The following TMOD3 variants were observed in gnomAD, a reference collection of about 807,000 sequenced individuals.
The protein encoded by TMOD3 is tropomodulin-3.
A neutral mutation model predicts 39.2 loss-of-function variants in TMOD3; 20 were observed. The ratio of observed to expected loss-of-function variants is 0.51; its 90% CI spans 0.36 to 0.74. The LOEUF is 0.74. TMOD3 is among the 30% of genes least tolerant of loss of function. The pLI is 0.00. For missense variants in TMOD3, 381 were observed against 412.8 expected (o/e 0.92, Z 0.67); for synonymous variants, 143 against 145.8 (o/e 0.98, Z 0.14).
At chr15:51,863,866 A>G (rs972103905) in intron 2 of TMOD3, among the ~76,000 whole-genome samples, 3 of 152,210 alleles carry the variant, frequency 2.0e-5, no homozygotes, top group African/African-American at 7.2e-5. Flanking sequence ...TTCCCAGTAC[A>G]TCTGATTGGA....
chr15:51,839,884 A>G (rs188821983), intron 1 of TMOD3, among the ~76,000 whole-genome samples: 1 of 152,208 alleles, frequency 6.6e-6, no homozygotes, highest in African/African-American at 2.4e-5. Context: ...ATAATCAAAG[A>G]GTGACAATAC....
At chr15:51,838,895 A>G (rs2056299497) in intron 1 of TMOD3, among the ~76,000 whole-genome samples, 1 of 152,166 alleles carries the variant, frequency 6.6e-6, no homozygotes, top group African/African-American at 2.4e-5. Flanking sequence ...TTTCTGGAGA[A>G]GAATTGAATT....
chr15:51,845,272 G>T (rs1567261664), intron 1 of TMOD3, among the ~76,000 whole-genome samples: 1 of 152,162 alleles, frequency 6.6e-6, no homozygotes, highest in Non-Finnish European at 1.5e-5. Flanking sequence ...TGAAAAAAAG[G>T]CTGTTTGATT....
chr15:51,834,540 C>T (rs576141486), intron 1 of TMOD3, among the ~76,000 whole-genome samples: 1 of 152,240 alleles, frequency 6.6e-6, no homozygotes, highest in African/African-American at 2.4e-5. Context: ...AGAAAAACTT[C>T]CCTTTCTCGG....
At chr15:51,888,824 T>C (rs1436234834) in intron 4 of TMOD3, among the ~76,000 whole-genome samples, 1 of 152,202 alleles carries the variant, frequency 6.6e-6, no homozygotes, top group Non-Finnish European at 1.5e-5. Context: ...CCTCCAACTC[T>C]GAATTTGGAA....
chr15:51,909,476 T>C lies in TMOD3; in HGVS notation c.*666T>C, dbSNP rs769186922. Reference sequence around the variant, plus strand: ...ATCAGCTTTGCCAGGTTACATACTTTATTTAAAAGTATAGTGAGGTCGAAG... The same window carrying C: ...ATCAGCTTTGCCAGGTTACATACTTCATTTAAAAGTATAGTGAGGTCGAAG... On this transcript the variant is annotated 3_prime_UTR_variant, in exon 10 of 10. Transcript: ENST00000308580. 2.0e-5 allele frequency: 3 copies of C among 152,632 alleles called. No homozygotes were observed. The highest frequency in any genetic ancestry group is 2.9e-5 in the Non-Finnish European group (2 of 68,014). 9.5% of individuals were successfully genotyped at this position (152,632 alleles called of 1,614,324 possible).
At chr15:51,881,955 C>G (rs538256187) in intron 3 of TMOD3, among the ~76,000 whole-genome samples, 7 of 151,286 alleles carry the variant, frequency 4.6e-5, no homozygotes, top group African/African-American at 1.7e-4. Context: ...AGTACAGTGG[C>G]GCAATCTCAG....
At chr15:51,903,312 G>A (rs1055985034) in intron 9 of TMOD3, among the ~76,000 whole-genome samples, 1 of 152,228 alleles carries the variant, frequency 6.6e-6, no homozygotes, top group Non-Finnish European at 1.5e-5. Context: ...GTTTCCAAAA[G>A]TTGACTCTTT....
At chr15:51,841,177 C>T (rs1261253511) in intron 1 of TMOD3, among the ~76,000 whole-genome samples, 1 of 152,160 alleles carries the variant, frequency 6.6e-6, no homozygotes, top group African/African-American at 2.4e-5. Flanking sequence ...TGGCATATAA[C>T]AGGTATACAA....
At position 51,887,670 on chromosome 15, in the gene TMOD3, C is replaced by T. The variant is rs1323596130; in HGVS notation, c.365C>T (p.Ala122Val). ...TCTCTTGATCCAGAATTAGAAGAAG[C>T]TTTGACAAGTGCTTCTGATACAGAA... ...KVSLDPELEE[A>V]LTSASDTELC... Residue 122 changes from alanine (A) to valine (V), a missense_variant, in exon 4 of 10, where the codon GCT becomes GTT. Coordinates refer to ENST00000308580, the MANE Select transcript of TMOD3 (RefSeq NM_014547.5). 1.2e-6 allele frequency: 2 copies of T among 1,613,936 alleles called. No homozygotes were observed. Among genetic ancestry groups the T allele is most frequent in the South Asian group, 1.1e-5 (1 of 91,048 alleles).
chr15:51,867,861 A>T (rs2056454796), intron 2 of TMOD3, among the ~76,000 whole-genome samples: 1 of 152,218 alleles, frequency 6.6e-6, no homozygotes, highest in Admixed American at 6.5e-5. Flanking sequence ...TACTGGGCTT[A>T]GTGAAAATTA....
intron 1 of TMOD3, among the ~76,000 whole-genome samples, chr15:51,851,491 AC>A (rs1314396693): frequency 6.6e-6 from 1 of 152,164 alleles, no homozygotes; most frequent in Non-Finnish European, 1.5e-5. Context: ...TTATTTAGTA[AC>A]TTTTGATTGG....
chr15:51,889,223 T>G, intron 5 of TMOD3, 78 bp downstream of exon 5: 1 of 901,146 alleles, frequency 1.1e-6, no homozygotes, highest in Non-Finnish European at 1.8e-6. Context: ...AGCTTAAGTG[T>G]TCACATACTA....
chr15:51,892,065 C>G (rs985442681), intron 5 of TMOD3, among the ~76,000 whole-genome samples: 1 of 125,046 alleles, frequency 8.0e-6, no homozygotes, highest in African/African-American at 3.0e-5. Context: ...TTGATCTTCT[C>G]AAGATGCTGT....
intron 9 of TMOD3, among the ~76,000 whole-genome samples, chr15:51,905,592 C>CATT (rs1283600576): frequency 6.6e-6 from 1 of 151,986 alleles, no homozygotes; most frequent in African/African-American, 2.4e-5. Context: ...ATGCAGAAGG[C>CATT]ATTAGAGAGC....
At chr15:51,897,560 C>T (rs1225054019) in intron 7 of TMOD3, among the ~76,000 whole-genome samples, 1 of 147,976 alleles carries the variant, frequency 6.8e-6, no homozygotes, top group African/African-American at 2.5e-5. Flanking sequence ...TCTCGGCTCA[C>T]TGCAACCTCC....
At chr15:51,833,159 G>A (rs994634109) in intron 1 of TMOD3, 1 of 152,122 alleles carries the variant, frequency 6.6e-6, no homozygotes, top group Non-Finnish European at 1.5e-5. Flanking sequence ...ATTTAATTTG[G>A]TGTTTATAAA....
intron 2 of TMOD3, among the ~76,000 whole-genome samples, chr15:51,863,842 A>G (rs963675482): frequency 1.5e-4 from 23 of 152,198 alleles, no homozygotes; most frequent in Non-Finnish European, 2.6e-4. Context: ...CATAATTACT[A>G]TTATAAGGAA....
intron 9 of TMOD3, 35 bp from the exon 10 acceptor site, chr15:51,908,741 G>A (rs202127944): frequency 3.3e-4 from 513 of 1,564,082 alleles, no homozygotes; most frequent in Non-Finnish European, 4.3e-4. Flanking sequence ...AACTAATAGG[G>A]ATTTCTAACA....
Sources: gnomAD v4.1 joint callset for allele counts (sites outside exome capture counted in the v4.1 genomes callset) on GRCh38, gnomAD v4.1.1 for gene constraint, MANE v1.5 for transcripts, NCBI Gene and HGNC (gene_info 2026-07-23, HGNC 2026-07-21) for gene names.